CDH13: variants seen among roughly 807,000 people sequenced by gnomAD.
CDH13 encodes cadherin-13.
In CDH13, 24 loss-of-function variants were observed where a neutral mutation model predicts 63.8. The ratio of observed to expected loss-of-function variants is 0.38; its 90% CI spans 0.27 to 0.53. The LOEUF (loss-of-function observed/expected upper bound fraction) is 0.53, where lower values mean the gene tolerates loss of function less well. Among genes scored for constraint, CDH13 ranks in the 20% least tolerant of loss-of-function variants. The pLI, the probability that CDH13 is intolerant of heterozygous loss-of-function variation, is 0.85. For synonymous variants in CDH13, 503 were observed against 355.3 expected, an observed-to-expected ratio of 1.42 and a Z score of -4.67; for missense variants, 1,049 against 903.1, an observed-to-expected ratio of 1.16 and a Z score of -2.07.
At chr16:82,855,281 T>C (rs1423874921) in intron 1 of CDH13, among the ~76,000 whole-genome samples, 17 of 152,200 alleles carry the variant, frequency 1.1e-4, no homozygotes, top group Admixed American at 1.1e-3. Context: ...TAGACAAAGA[T>C]GGAGAACACA....
At chr16:83,704,274 C>T (rs1906680902) in intron 10 of CDH13, among the ~76,000 whole-genome samples, 1 of 152,078 alleles carries the variant, frequency 6.6e-6, no homozygotes, top group East Asian at 1.9e-4. Flanking sequence ...GTTGTTAAGG[C>T]AAGAGAGATA....
At chr16:82,797,288 G>C (rs1382112935) in intron 1 of CDH13, among the ~76,000 whole-genome samples, 1 of 152,130 alleles carries the variant, frequency 6.6e-6, no homozygotes, top group African/African-American at 2.4e-5. Context: ...TATGGTATGT[G>C]GTTCAACAGT....
At chr16:83,455,343 T>C (rs1031658842) in intron 6 of CDH13, among the ~76,000 whole-genome samples, 1 of 152,208 alleles carries the variant, frequency 6.6e-6, no homozygotes, top group African/African-American at 2.4e-5. Context: ...CAGCTGTTTC[T>C]GAGCATCTAA....
At chr16:83,194,894 T>A (rs2038831764) in intron 4 of CDH13, among the ~76,000 whole-genome samples, 1 of 152,204 alleles carries the variant, frequency 6.6e-6, no homozygotes, top group African/African-American at 2.4e-5. Flanking sequence ...ATCTCCTTTT[T>A]GTTCATTGAT....
chr16:83,249,024 T>C (rs1394331229), intron 5 of CDH13, among the ~76,000 whole-genome samples: 1 of 152,250 alleles, frequency 6.6e-6, no homozygotes. Context: ...ACTCAGGGAC[T>C]GTAGTGTGTG....
At chr16:83,228,471 A>C (rs1232313899) in intron 5 of CDH13, among the ~76,000 whole-genome samples, 1 of 152,186 alleles carries the variant, frequency 6.6e-6, no homozygotes, top group Non-Finnish European at 1.5e-5. Flanking sequence ...TGTTCTTGTA[A>C]AGTCCACACG....
chr16:83,140,754 C>T (rs766247093), intron 4 of CDH13, among the ~76,000 whole-genome samples: 20 of 152,146 alleles, frequency 1.3e-4, no homozygotes, highest in South Asian at 2.1e-4. Context: ...TGCACCCGGC[C>T]GATCTGATGT....
intron 1 of CDH13, among the ~76,000 whole-genome samples, chr16:82,792,712 A>G (rs1342892288): frequency 1.3e-5 from 2 of 152,168 alleles, no homozygotes; most frequent in East Asian, 1.9e-4. Flanking sequence ...GCCTTTATTT[A>G]TTTCTTGTGT....
chr16:83,657,487 G>A (rs998080902), intron 8 of CDH13, among the ~76,000 whole-genome samples: 17 of 152,198 alleles, frequency 1.1e-4, no homozygotes, highest in Non-Finnish European at 7.3e-5. Context: ...TAGACATAAA[G>A]TTCATCTATG....
At chr16:82,785,511 G>A (rs17192152) in intron 1 of CDH13, among the ~76,000 whole-genome samples, 35,927 of 152,086 alleles carry the variant, frequency 0.24, 4,815 homozygotes, top group South Asian at 0.37. Context: ...TTCTAATGCC[G>A]GTGGAGAGAG....
At chr16:83,259,522 G>C (rs1391155923) in intron 5 of CDH13, among the ~76,000 whole-genome samples, 1 of 152,114 alleles carries the variant, frequency 6.6e-6, no homozygotes, top group African/African-American at 2.4e-5. Flanking sequence ...ATTACATTAT[G>C]TTACAAATGC....
chr16:83,768,647 A>G (rs1235773617), intron 11 of CDH13, among the ~76,000 whole-genome samples: 1 of 152,190 alleles, frequency 6.6e-6, no homozygotes, highest in African/African-American at 2.4e-5. Context: ...GCCCATGTTT[A>G]TAGTTTTTTC....
intron 10 of CDH13, among the ~76,000 whole-genome samples, chr16:83,689,669 C>T (rs1030011498): frequency 2.6e-5 from 4 of 152,152 alleles, no homozygotes; most frequent in African/African-American, 9.7e-5. Flanking sequence ...TCATGCATTC[C>T]AATAGCGTTG....
chr16:83,561,302 C>T (rs2075704041), intron 7 of CDH13, among the ~76,000 whole-genome samples: 1 of 151,298 alleles, frequency 6.6e-6, no homozygotes, highest in African/African-American at 2.4e-5. Context: ...AAAAATTAGC[C>T]AGGTGTGGTG....
intron 11 of CDH13, among the ~76,000 whole-genome samples, chr16:83,777,434 A>G (rs1442094145): frequency 6.6e-6 from 1 of 152,100 alleles, no homozygotes; most frequent in East Asian, 1.9e-4. Context: ...TTGGCAGAAC[A>G]CCCTGCGGTC....
intron 6 of CDH13, among the ~76,000 whole-genome samples, chr16:83,438,939 C>T (rs1046984772): frequency 6.6e-6 from 1 of 152,160 alleles, no homozygotes; most frequent in Non-Finnish European, 1.5e-5. Flanking sequence ...AGAGGCAGCA[C>T]ATTTATCATG....
Position 82,805,163 on chromosome 16 carries a change from A to G in CDH13, c.46-53199A>G, listed in dbSNP as rs572127137. Among the ~76,000 whole-genome samples, 6 of 152,278 alleles carry G rather than the reference A, an allele frequency of 3.9e-5. No individual in the cohort carries two copies. The East Asian group carries it at 1.2e-3, about 29-fold the overall frequency. ...TCCTCTATCTTCATGCTCAGCCCCC[A>G]GGTCCATGTGTCCTTCTCTCTAATA... On this transcript the variant is annotated intron_variant, in intron 1 of 13. Transcript: ENST00000567109.
intron 8 of CDH13, among the ~76,000 whole-genome samples, chr16:83,646,165 G>A (rs891523555): frequency 2.0e-5 from 3 of 152,060 alleles, no homozygotes; most frequent in Admixed American, 1.3e-4. Flanking sequence ...CAGACCAACC[G>A]GGGTCTGAAT....
intron 2 of CDH13, among the ~76,000 whole-genome samples, chr16:82,920,308 A>G (rs1049303784): frequency 6.6e-6 from 1 of 152,218 alleles, no homozygotes; most frequent in Non-Finnish European, 1.5e-5. Context: ...ATGCAAAGGT[A>G]GTTGCCAGCA....
Sources: allele counts gnomAD v4.1 joint callset (sites outside exome capture counted in the v4.1 genomes callset), GRCh38; gene constraint gnomAD v4.1.1; transcripts MANE v1.5; gene names NCBI Gene and HGNC (gene_info 2026-07-23, HGNC 2026-07-21).